CD4: variants seen among roughly 807,000 people sequenced by gnomAD.
CD4 encodes T-cell surface glycoprotein CD4.
Under a neutral mutation model 50.5 loss-of-function variants are expected in CD4, and 25 were observed. The ratio of observed to expected loss-of-function variants is 0.49; its 90% confidence interval spans 0.36 to 0.69. The LOEUF (loss-of-function observed/expected upper bound fraction) is 0.69, where lower values mean the gene tolerates loss of function less well. CD4 is among the 30% of genes least tolerant of loss of function. The pLI is 0.00. For missense variants in CD4, 456 were observed against 548.5 expected (o/e 0.83, Z 1.68); for synonymous variants, 207 against 221.9 (o/e 0.93, Z 0.60).
chr12:6,799,964 A>G, intron 1 of CD4, 108 bp from the exon 2 acceptor site: 1 of 615,174 alleles, frequency 1.6e-6, no homozygotes, highest in East Asian at 2.7e-5. Context: ...CTCCTGCCTC[A>G]AGTTCACTAG....
intron 1 of CD4, chr12:6,799,302 T>C (rs1400400104): frequency 3.9e-5 from 6 of 151,940 alleles, no homozygotes; most frequent in Admixed American, 3.9e-4. Flanking sequence ...TTTCTATGTG[T>C]TTTTTTTCTC....
chr12:6,800,629 T>G (rs1942515416), intron 3 of CD4, among the ~76,000 whole-genome samples, 158 bp downstream of exon 3: 1 of 152,220 alleles, frequency 6.6e-6, no homozygotes, highest in East Asian at 1.9e-4. Context: ...CTACACCAAC[T>G]GCTGGTGGCC....
intron 3 of CD4, among the ~76,000 whole-genome samples, chr12:6,801,719 C>T (rs1370094805): frequency 1.3e-5 from 2 of 150,684 alleles, no homozygotes; most frequent in South Asian, 2.1e-4. Context: ...TGCCACCATG[C>T]CTGGCTAATT....
Position 6,792,588 on chromosome 12 carries a change from A to T in CD4, c.-68+2926A>T, listed in dbSNP as rs1942192453. On this transcript the variant is annotated intron_variant, in intron 1 of 9. Transcript: ENST00000011653. The surrounding 1 kb of genome is among the most constrained non-coding windows in gnomAD (Gnocchi z 4.1). ...CTGTGCATTCTGGGGAACTCTGTCC[A>T]TTTCCCTTTGTCCATGTGTCCCTCC... Among the ~76,000 whole-genome samples, 2 of 151,642 alleles carry T rather than the reference A, an allele frequency of 1.3e-5. No individual in the cohort carries two copies.
intron 1 of CD4, among the ~76,000 whole-genome samples, chr12:6,795,740 A>G (rs1198265245): frequency 2.6e-5 from 4 of 152,350 alleles, no homozygotes; most frequent in African/African-American, 4.8e-5. Flanking sequence ...ACACACAGCT[A>G]TTGACAGAAA....
intron 1 of CD4, among the ~76,000 whole-genome samples, chr12:6,791,946 G>A (rs1942174481): frequency 6.6e-6 from 1 of 152,164 alleles, no homozygotes; most frequent in Non-Finnish European, 1.5e-5. Flanking sequence ...GCAAGGCTCT[G>A]AGTTTGAGCT....
At chr12:6,797,343 T>C (rs1382700363) in intron 1 of CD4, among the ~76,000 whole-genome samples, 1 of 151,900 alleles carries the variant, frequency 6.6e-6, no homozygotes, top group African/African-American at 2.4e-5. Context: ...AGAGGCCTTG[T>C]AGGGTTGGTC....
At chr12:6,800,721 T>C (rs1198036398) in intron 3 of CD4, among the ~76,000 whole-genome samples, 1 of 152,182 alleles carries the variant, frequency 6.6e-6, no homozygotes, top group Non-Finnish European at 1.5e-5. Context: ...GAACAATCAC[T>C]ATCACTTAAA....
rs34876182 is a variant in CD4, at chr12:6,808,079, CAAAAAAAAAAAA to C, written c.215-6050_215-6039del. ...TGGGCGACAGAGTGAGGCTCTTTCT[CAAAAAAAAAAAA>C]AAAAAAAAAAAAGCAGGCAGGCAGG... On this transcript the variant is annotated intron_variant, in intron 3 of 9. Transcript: ENST00000011653. Among the ~76,000 whole-genome samples, 3 of 70,154 alleles carry C rather than the reference CAAAAAAAAAAAA, an allele frequency of 4.3e-5. 1 individual carries two copies. The South Asian group carries it at 1.5e-3, about 34-fold the overall frequency. 46.0% of individuals were successfully genotyped at this position (70,154 alleles called of 152,430 possible).
intron 3 of CD4, among the ~76,000 whole-genome samples, chr12:6,806,633 G>A (rs1014866471): frequency 6.6e-6 from 1 of 152,102 alleles, no homozygotes; most frequent in African/African-American, 2.4e-5. Context: ...AAAACAGGCC[G>A]AAAAGGACAT....
intron 9 of CD4, 73 bp from the exon 10 acceptor site, chr12:6,819,226 C>T (rs1943205651): frequency 6.8e-7 from 1 of 1,461,364 alleles, no homozygotes; most frequent in African/African-American, 1.4e-5. Flanking sequence ...GCTGGAAAGG[C>T]CATTGGAGGT....
intron 3 of CD4, among the ~76,000 whole-genome samples, chr12:6,803,363 G>A (rs1942621518): frequency 6.7e-6 from 1 of 150,262 alleles, no homozygotes; most frequent in African/African-American, 2.4e-5. Flanking sequence ...TGACCAGGGT[G>A]GTCTGGAACT....
At chr12:6,790,552 G>A (rs142334072) in intron 1 of CD4, among the ~76,000 whole-genome samples, 61 of 152,290 alleles carry the variant, frequency 4.0e-4, no homozygotes, top group African/African-American at 1.4e-3. Context: ...TGGTGGTAGG[G>A]GTCTCATGAG....
At position 6,808,450 on chromosome 12, in the gene CD4, C is replaced by CAAAAAAAAAA. The variant is rs3032789; in HGVS notation, c.215-5669_215-5660dup. Among the ~76,000 whole-genome samples, 58 of 37,800 alleles carry CAAAAAAAAAA rather than the reference C, an allele frequency of 1.5e-3. 2 individuals carry two copies. The highest frequency in any genetic ancestry group is 2.3e-3 in the African/African-American group (46 of 20,144). The allele number at this position is 37,800 out of a possible 152,430, so 24.8% of individuals were successfully genotyped here. On this transcript the variant is annotated intron_variant, in intron 3 of 9. Transcript: ENST00000011653. ...TGGGTGACAAAGTGAGATTCTGTCT[C>CAAAAAAAAAA]AAAAAAAAAAAAAAAAAAAAAAAAA...
chr12:6,800,117 T>A lies in CD4; in HGVS notation c.-22T>A. The A allele has an allele frequency of 6.2e-7, 1 of 1,613,412 alleles. No individual in the cohort carries two copies. Among genetic ancestry groups the A allele is most frequent in the Non-Finnish European group, 8.5e-7 (1 of 1,179,494 alleles). On this transcript the variant is annotated 5_prime_UTR_variant, in exon 2 of 10. Transcript: ENST00000011653. ...TCAGGTCCCTACTGGCTCAGGCCCC[T>A]GCCTCCCTCGGCAAGGCCACAATGA...
intron 1 of CD4, among the ~76,000 whole-genome samples, chr12:6,791,758 T>G (rs1435255795): frequency 6.6e-6 from 1 of 152,072 alleles, no homozygotes; most frequent in Non-Finnish European, 1.5e-5. Flanking sequence ...AGTGTGTGCC[T>G]GTGGTTCCAG....
intron 3 of CD4, among the ~76,000 whole-genome samples, chr12:6,803,209 G>A (rs1565493397): frequency 6.6e-6 from 1 of 152,064 alleles, no homozygotes; most frequent in Non-Finnish European, 1.5e-5. Context: ...GGAGTGCAGT[G>A]GCATGATCTC....
chr12:6,801,729 T>C (rs192425342), intron 3 of CD4, among the ~76,000 whole-genome samples: 33 of 147,576 alleles, frequency 2.2e-4, no homozygotes, highest in African/African-American at 8.0e-4. Context: ...CCTGGCTAAT[T>C]TTTTGTACTT....
intron 3 of CD4, among the ~76,000 whole-genome samples, chr12:6,805,009 A>G (rs1416416036): frequency 1.8e-5 from 2 of 109,582 alleles, no homozygotes; most frequent in East Asian, 4.9e-4. Flanking sequence ...CAGTGAGACT[A>G]CGTCTCAAAA....
Sources: allele counts gnomAD v4.1 joint callset (sites outside exome capture counted in the v4.1 genomes callset), GRCh38; gene constraint gnomAD v4.1.1; non-coding constraint Gnocchi (gnomAD v3.1); transcripts MANE v1.5; gene names NCBI Gene and HGNC (gene_info 2026-07-23, HGNC 2026-07-21).